The following REDIC1 variants were observed in gnomAD, a reference collection of about 807,000 sequenced individuals.
REDIC1 encodes HEI10 Interacting Protein 1.
the REDIC1 span, among the ~76,000 whole-genome samples, chr12:39,863,789 C>T: frequency 7.0e-4 from 106 of 152,186 alleles, no homozygotes; most frequent in African/African-American, 2.5e-3. Context: ...AATTTGGAAC[C>T]AATATATCTT....
chr12:39,700,892 A>G, the REDIC1 span, among the ~76,000 whole-genome samples: 6 of 152,112 alleles, frequency 3.9e-5, no homozygotes, highest in African/African-American at 1.4e-4. Flanking sequence ...ATGCTGAGAG[A>G]TTTTGTCACC....
At chr12:39,667,698 T>A in the REDIC1 span, among the ~76,000 whole-genome samples, 2 of 152,116 alleles carry the variant, frequency 1.3e-5, no homozygotes, top group Non-Finnish European at 2.9e-5. Flanking sequence ...TGTGTGGGAG[T>A]CTAAGTCTCT....
At chr12:39,821,969 G>C in the REDIC1 span, among the ~76,000 whole-genome samples, 1 of 151,986 alleles carries the variant, frequency 6.6e-6, no homozygotes, top group South Asian at 2.1e-4. Flanking sequence ...TGCACAATGT[G>C]CAGGTTAGTT....
At chr12:39,864,644 T>A in the REDIC1 span, 5 of 1,360,698 alleles carry the variant, frequency 3.7e-6, no homozygotes, top group South Asian at 7.8e-5. Flanking sequence ...CTTCCCTTCT[T>A]ACATAAGCCT....
the REDIC1 span, among the ~76,000 whole-genome samples, chr12:39,704,695 A>G: frequency 3.9e-5 from 6 of 152,302 alleles, no homozygotes; most frequent in Admixed American, 6.5e-5. Flanking sequence ...ATGATAGACT[A>G]GATTAAGAAA....
chr12:39,862,249 C>T, the REDIC1 span, among the ~76,000 whole-genome samples: 1 of 152,198 alleles, frequency 6.6e-6, no homozygotes, highest in South Asian at 2.1e-4. Context: ...AATCTCAAGT[C>T]ATTAGGGAGC....
At chr12:39,757,462 T>TTAA in the REDIC1 span, 2 of 151,628 alleles carry the variant, frequency 1.3e-5, no homozygotes, top group Non-Finnish European at 3.0e-5. Context: ...ATTTAAACAT[T>TTAA]TAATTTTTAA....
chr12:39,778,852 TA>T, the REDIC1 span, among the ~76,000 whole-genome samples: 7 of 152,146 alleles, frequency 4.6e-5, no homozygotes, highest in Non-Finnish European at 7.3e-5. Context: ...TATAGGGGTA[TA>T]GGAGGAGTTT....
the REDIC1 span, chr12:39,864,961 C>A: frequency 7.1e-5 from 92 of 1,291,922 alleles, no homozygotes; most frequent in South Asian, 2.9e-4. Context: ...AAAAACAAAC[C>A]AAAAAACAAA....
At chr12:39,820,680 T>C in the REDIC1 span, among the ~76,000 whole-genome samples, 2 of 83,228 alleles carry the variant, frequency 2.4e-5, no homozygotes, top group East Asian at 7.3e-4. Flanking sequence ...TTCTGTGACC[T>C]AGCAGCATGT....
the REDIC1 span, among the ~76,000 whole-genome samples, chr12:39,738,816 A>G: frequency 6.6e-6 from 1 of 150,686 alleles, no homozygotes; most frequent in African/African-American, 2.4e-5. Flanking sequence ...TGACCTTAGT[A>G]ATTGTGGGAG....
the REDIC1 span, among the ~76,000 whole-genome samples, chr12:39,878,822 C>T: frequency 6.6e-6 from 1 of 152,196 alleles, no homozygotes; most frequent in Non-Finnish European, 1.5e-5. Flanking sequence ...TAAAAGGAAG[C>T]CAGGTGCTAA....
chr12:39,730,686 T>C, the REDIC1 span, among the ~76,000 whole-genome samples: 2 of 150,526 alleles, frequency 1.3e-5, no homozygotes, highest in African/African-American at 4.8e-5. Context: ...CTGTATTTCC[T>C]GGTGTTGGCC....
the REDIC1 span, among the ~76,000 whole-genome samples, chr12:39,700,852 G>A: frequency 1.1e-4 from 16 of 152,118 alleles, no homozygotes; most frequent in Admixed American, 2.6e-4. Context: ...CATAAGTGAA[G>A]GAGAAATCAA....
chr12:39,721,538 T>G, the REDIC1 span: 1 of 263,206 alleles, frequency 3.8e-6, no homozygotes, highest in Non-Finnish European at 7.1e-6. Flanking sequence ...TTATTCAGTA[T>G]ATTACAATGA....
chr12:39,774,015 C>T, the REDIC1 span, among the ~76,000 whole-genome samples: 2,363 of 152,168 alleles, frequency 0.016, 54 homozygotes, highest in African/African-American at 0.053. Context: ...GGACAAGGTC[C>T]CTAAGCTATC....
the REDIC1 span, among the ~76,000 whole-genome samples, chr12:39,810,809 C>A: frequency 6.6e-6 from 1 of 152,148 alleles, no homozygotes; most frequent in African/African-American, 2.4e-5. Flanking sequence ...ACCATGAATT[C>A]CTTTATATTG....
chr12:39,761,998 G>C, the REDIC1 span, among the ~76,000 whole-genome samples: 1 of 152,098 alleles, frequency 6.6e-6, no homozygotes, highest in Non-Finnish European at 1.5e-5. Context: ...TCCTGAAGTT[G>C]ATTACAGATT....
the REDIC1 span, among the ~76,000 whole-genome samples, chr12:39,769,496 ATTTTTCTC>A: frequency 6.6e-6 from 1 of 151,202 alleles, no homozygotes; most frequent in Non-Finnish European, 1.5e-5. Context: ...ACTTTTCTAT[ATTTTTCTC>A]TCAATATTTG....
Sources: gnomAD v4.1 joint callset for allele counts (sites outside exome capture counted in the v4.1 genomes callset) on GRCh38, gnomAD v4.1.1 for gene constraint, MANE v1.5 for transcripts, NCBI Gene and HGNC (gene_info 2026-07-23, HGNC 2026-07-21) for gene names.